CAP2: variants seen among roughly 807,000 people sequenced by gnomAD.
The protein encoded by CAP2 is cyclase associated actin cytoskeleton regulatory protein 2.
In CAP2, 24 loss-of-function variants were observed where a neutral mutation model predicts 57.7. The ratio of observed to expected loss-of-function variants is 0.42; its 90% confidence interval spans 0.30 to 0.58. CAP2 has a LOEUF of 0.58. Ranked by LOEUF, CAP2 falls within the 20% of genes least tolerant of loss-of-function variation. The probability of loss-of-function intolerance (pLI) is 0.22; values close to 1 mark genes in which losing one functional copy is unlikely to be tolerated. For missense variants in CAP2, 501 were observed against 590.3 expected (o/e 0.85, Z 1.57); for synonymous variants, 194 against 207.2 (o/e 0.94, Z 0.55).
intron 3 of CAP2, among the ~76,000 whole-genome samples, chr6:17,458,067 GGAAAT>G (rs1417051503): frequency 3.3e-5 from 5 of 152,172 alleles, no homozygotes; most frequent in African/African-American, 1.2e-4. Context: ...TCTTTTATTT[GGAAAT>G]GTGGTCATTA....
At position 17,530,982 on chromosome 6, in the gene CAP2, A is replaced by T. The variant is rs919278596; in HGVS notation, c.637-8287A>T. The T allele has an allele frequency of 2.7e-6, 4 of 1,482,504 alleles. No individual in the cohort carries two copies. The African/African-American group carries it at 4.1e-5, about 15-fold the overall frequency. The allele number at this position is 1,482,504 out of a possible 1,614,324, so 91.8% of individuals were successfully genotyped here. On this transcript the variant is annotated intron_variant, in intron 7 of 12. Coordinates refer to ENST00000229922, the MANE Select transcript of CAP2 (RefSeq NM_006366.3). ...TACAAAATGGGTGGTCTTTTTCTTC[A>T]TTCTGCCTCGTGGAGAAGATAATTT...
chr6:17,426,842 A>G (rs1268872212), intron 3 of CAP2, 152 bp downstream of exon 3: 4 of 633,238 alleles, frequency 6.3e-6, no homozygotes, highest in Non-Finnish European at 1.1e-5. Context: ...TTACCCATTT[A>G]TTCATTTAAT....
At chr6:17,426,417 G>T (rs1390029830) in intron 2 of CAP2, among the ~76,000 whole-genome samples, 173 bp from the exon 3 acceptor site, 5 of 151,864 alleles carry the variant, frequency 3.3e-5, no homozygotes, top group African/African-American at 1.2e-4. Flanking sequence ...TGTATTTTTA[G>T]TAGAGACGGG....
intron 11 of CAP2, among the ~76,000 whole-genome samples, chr6:17,544,267 A>G (rs961397813): frequency 1.8e-4 from 28 of 152,150 alleles, no homozygotes; most frequent in Non-Finnish European, 3.8e-4. Context: ...GCATAAATAA[A>G]AGTACTGTGA....
At chr6:17,438,272 A>G (rs982397863) in intron 3 of CAP2, among the ~76,000 whole-genome samples, 4 of 150,880 alleles carry the variant, frequency 2.7e-5, no homozygotes, top group African/African-American at 9.9e-5. Context: ...AGGCTGAGGC[A>G]GGAGAATTGC....
intron 3 of CAP2, among the ~76,000 whole-genome samples, chr6:17,429,895 G>A (rs979788267): frequency 6.6e-6 from 1 of 152,150 alleles, no homozygotes; most frequent in African/African-American, 2.4e-5. Context: ...TGTGTCATTG[G>A]CATTAAGCTT....
At chr6:17,475,064 G>A (rs910962857) in intron 4 of CAP2, among the ~76,000 whole-genome samples, 1 of 151,984 alleles carries the variant, frequency 6.6e-6, no homozygotes, top group African/African-American at 2.4e-5. Flanking sequence ...ATGTGGTGAC[G>A]TGCGCCTGTA....
chr6:17,394,208 C>T (rs756871864), intron 1 of CAP2, among the ~76,000 whole-genome samples: 7 of 151,954 alleles, frequency 4.6e-5, no homozygotes, highest in African/African-American at 9.7e-5. Flanking sequence ...CCAGAGCCAC[C>T]TCGATCAGAA....
chr6:17,399,943 C>A (rs890440241), intron 1 of CAP2, among the ~76,000 whole-genome samples: 1 of 151,932 alleles, frequency 6.6e-6, no homozygotes, highest in African/African-American at 2.4e-5. Flanking sequence ...CTGTAGTGGC[C>A]GGGCATGGTG....
intron 7 of CAP2, among the ~76,000 whole-genome samples, chr6:17,521,727 A>G (rs537031672): frequency 6.6e-6 from 1 of 151,974 alleles, no homozygotes; most frequent in East Asian, 1.9e-4. Flanking sequence ...TGACGCTTGC[A>G]TAGACCAGGA....
At chr6:17,471,721 C>T (rs996062934) in intron 4 of CAP2, among the ~76,000 whole-genome samples, 2 of 151,384 alleles carry the variant, frequency 1.3e-5, no homozygotes, top group African/African-American at 2.4e-5. Context: ...GTCCCAGCTA[C>T]TCAGGAGGCT....
At chr6:17,410,566 GATTTA>G (rs1759113173) in intron 1 of CAP2, among the ~76,000 whole-genome samples, 1 of 151,746 alleles carries the variant, frequency 6.6e-6, no homozygotes, top group African/African-American at 2.4e-5. Flanking sequence ...AAGTTACTCA[GATTTA>G]ATTTTTTTTT....
chr6:17,533,073 C>A (rs1313597213), intron 7 of CAP2, among the ~76,000 whole-genome samples: 1 of 76,570 alleles, frequency 1.3e-5, no homozygotes, highest in African/African-American at 5.0e-5. Context: ...CTCAACACCC[C>A]CCACCAAAAA....
At chr6:17,436,466 G>A (rs1305906655) in intron 3 of CAP2, among the ~76,000 whole-genome samples, 2 of 151,978 alleles carry the variant, frequency 1.3e-5, no homozygotes, top group African/African-American at 4.8e-5. Context: ...TTTAATAAAG[G>A]GACTATTTCG....
chr6:17,536,362 T>C, intron 7 of CAP2: 1 of 451,302 alleles, frequency 2.2e-6, no homozygotes, highest in Non-Finnish European at 4.5e-6. Flanking sequence ...TGAATGCTAA[T>C]TGAAAAGTAA....
At chr6:17,485,629 T>C (rs1313579560) in intron 4 of CAP2, among the ~76,000 whole-genome samples, 1 of 152,242 alleles carries the variant, frequency 6.6e-6, no homozygotes, top group Non-Finnish European at 1.5e-5. Context: ...AATTGATAAC[T>C]ACAGGGGTTA....
chr6:17,479,101 T>C (rs1761224423), intron 4 of CAP2, among the ~76,000 whole-genome samples: 1 of 152,226 alleles, frequency 6.6e-6, no homozygotes, highest in African/African-American at 2.4e-5. Flanking sequence ...ACTCATCTGC[T>C]GGTGGTGCCC....
intron 3 of CAP2, among the ~76,000 whole-genome samples, chr6:17,444,804 C>CACACACA (rs1760206563): frequency 1.1e-3 from 153 of 140,520 alleles, no homozygotes; most frequent in Non-Finnish European, 1.6e-3. Flanking sequence ...TTCTCTCTCT[C>CACACACA]CACACACACA....
chr6:17,532,750 AACAC>A (rs1554129689), intron 7 of CAP2, among the ~76,000 whole-genome samples: 5 of 148,036 alleles, frequency 3.4e-5, no homozygotes, highest in Non-Finnish European at 7.5e-5. Context: ...TAAAAAAAAA[AACAC>A]ACACACACAA....
Sources: allele counts gnomAD v4.1 joint callset (sites outside exome capture counted in the v4.1 genomes callset), GRCh38; gene constraint gnomAD v4.1.1; transcripts MANE v1.5; gene names NCBI Gene and HGNC (gene_info 2026-07-23, HGNC 2026-07-21).